WDR44: variants seen among roughly 807,000 people sequenced by gnomAD.
WDR44 encodes WD repeat domain 44.
In WDR44, 9 loss-of-function variants were observed where a neutral mutation model predicts 65.7. The ratio of observed to expected loss-of-function variants is 0.14; its 90% confidence interval spans 0.08 to 0.24. WDR44 has a LOEUF of 0.24. Among genes scored for constraint, WDR44 ranks in the 10% least tolerant of loss-of-function variants. The probability of loss-of-function intolerance (pLI) is 1.00; values close to 1 mark genes in which losing one functional copy is unlikely to be tolerated. For missense variants in WDR44, 425 were observed against 670.9 expected (o/e 0.63, Z 4.05); for synonymous variants, 220 against 235.2 (o/e 0.94, Z 0.59).
intron 1 of WDR44, among the ~76,000 whole-genome samples, chrX:118,369,500 T>G (rs1266610349): frequency 6.5e-5 from 5 of 76,915 alleles, no homozygotes; most frequent in Non-Finnish European, 1.2e-4. Context: ...AATGGAGTCT[T>G]GCTCTGTCAC....
chrX:118,352,319 TA>T (rs1328700228), intron 1 of WDR44, among the ~76,000 whole-genome samples: 189 of 7,770 alleles, frequency 0.024, 1 homozygote, highest in African/African-American at 0.069. Flanking sequence ...CCAGCTAATT[TA>T]TATATATATA....
chrX:118,442,527 AGAT>A, intron 16 of WDR44, 35 bp from the exon 17 acceptor site: 1 of 1,151,672 alleles, frequency 8.7e-7, no homozygotes. Flanking sequence ...TTGTACTAAA[AGAT>A]GATATTTTTA....
chrX:118,391,306 G>T (rs1325382913), intron 3 of WDR44, among the ~76,000 whole-genome samples: 1 of 112,080 alleles, frequency 8.9e-6, no homozygotes, highest in Non-Finnish European at 1.9e-5. Context: ...TCAGTGCTCA[G>T]TAACCACCTA....
chrX:118,399,799 A>G (rs780113440), intron 8 of WDR44, among the ~76,000 whole-genome samples: 1 of 112,075 alleles, frequency 8.9e-6, no homozygotes, highest in African/African-American at 3.2e-5. Context: ...AATAACTCAT[A>G]ATATAGGTGG....
chrX:118,418,642 A>G (rs1273764657), intron 12 of WDR44, among the ~76,000 whole-genome samples: 2 of 110,485 alleles, frequency 1.8e-5, no homozygotes, highest in African/African-American at 6.6e-5. Flanking sequence ...TTAATTTTCT[A>G]TTTTTGTGCT....
At chrX:118,441,703 G>A in intron 15 of WDR44, 144 bp downstream of exon 15, 1 of 525,422 alleles carries the variant, frequency 1.9e-6, no homozygotes, top group Non-Finnish European at 2.9e-6. Flanking sequence ...CTTAAGAGTT[G>A]GAACAGATGA....
At chrX:118,374,838 A>G (rs2056643408) in intron 1 of WDR44, among the ~76,000 whole-genome samples, 1 of 111,873 alleles carries the variant, frequency 8.9e-6, no homozygotes, top group African/African-American at 3.3e-5. Flanking sequence ...GTTCTATGAA[A>G]TAGATGGTTT....
rs1223630414 is a variant in WDR44 at position 118,441,410 on chromosome X, C to T, written c.2017C>T (p.Arg673Cys). 4.1e-6 allele frequency: 5 copies of T among 1,206,360 alleles called. No homozygotes were observed. Among genetic ancestry groups the T allele is most frequent in the Non-Finnish European group, 5.6e-6 (5 of 892,740 alleles). The change falls in exon 15 of 20, where the codon CGC becomes TGC. Residue 673 changes from arginine (R) to cysteine (C), a missense_variant. Arg to Cys is a radical substitution (Grantham distance 180, BLOSUM62 -3). Around this residue, in one of 5 missense-constraint regions of WDR44, gnomAD observed 73 missense variants for 187.4 expected, o/e 0.39. Transcript: ENST00000254029. ...FLSGSLDGKLRLWNIPDKKVA... is the reference protein window; with the variant it reads ...FLSGSLDGKLCLWNIPDKKVA... ...AAGTGGGTCTTTGGATGGAAAGCTCCGCCTTTGGAACATACCTGACAAAAA... is the reference window on the plus strand; with the variant it reads ...AAGTGGGTCTTTGGATGGAAAGCTCTGCCTTTGGAACATACCTGACAAAAA...
intron 2 of WDR44, 139 bp downstream of exon 2, chrX:118,378,591 G>A: frequency 2.2e-6 from 1 of 460,129 alleles, no homozygotes; most frequent in Non-Finnish European, 3.7e-6. Context: ...TGTCCTACTT[G>A]GTATACATAG....
intron 8 of WDR44, 57 bp downstream of exon 8, chrX:118,398,527 G>A: frequency 1.0e-6 from 1 of 955,891 alleles, no homozygotes; most frequent in South Asian, 2.1e-5. Flanking sequence ...AAAAATATGA[G>A]AACTACCATA....
intron 9 of WDR44, 79 bp downstream of exon 9, chrX:118,404,523 G>A (rs1569371582): frequency 1.4e-6 from 1 of 736,736 alleles, no homozygotes; most frequent in East Asian, 3.6e-5. Flanking sequence ...TTTGTAAGAA[G>A]CATTCTATTT....
chrX:118,353,563 C>G (rs751115033), intron 1 of WDR44, among the ~76,000 whole-genome samples: 14 of 111,973 alleles, frequency 1.3e-4, no homozygotes, highest in African/African-American at 4.5e-4. Context: ...GTCTCCAAAC[C>G]TTTTTAAACA....
intron 12 of WDR44, among the ~76,000 whole-genome samples, chrX:118,428,740 G>T (rs1392494054): frequency 8.9e-6 from 1 of 111,886 alleles, no homozygotes; most frequent in Non-Finnish European, 1.9e-5. Flanking sequence ...GTGTTATAAA[G>T]ATACATGCAG....
chrX:118,376,930 G>A (rs921844409), intron 1 of WDR44, among the ~76,000 whole-genome samples: 2 of 111,094 alleles, frequency 1.8e-5, no homozygotes, highest in Non-Finnish European at 3.8e-5. Context: ...TTGAGCCCAA[G>A]AGGTTGAGGC....
At chrX:118,420,283 G>A (rs753798900) in intron 12 of WDR44, among the ~76,000 whole-genome samples, 24 of 110,433 alleles carry the variant, frequency 2.2e-4, no homozygotes, top group African/African-American at 7.9e-4. Flanking sequence ...ACAGAGTCTC[G>A]CTCTGTCGCC....
intron 13 of WDR44, 146 bp from the exon 14 acceptor site, chrX:118,436,556 G>A (rs768733080): frequency 1.4e-6 from 1 of 708,582 alleles, no homozygotes; most frequent in Non-Finnish European, 2.2e-6. Context: ...TCTTCCAAGT[G>A]AATTTGATAA....
intron 1 of WDR44, among the ~76,000 whole-genome samples, chrX:118,363,463 T>C (rs931002451): frequency 3.7e-5 from 4 of 108,991 alleles, no homozygotes; most frequent in African/African-American, 1.3e-4. Context: ...ACATATTGTT[T>C]AGGGATACAT....
intron 12 of WDR44, among the ~76,000 whole-genome samples, chrX:118,415,143 T>C (rs1156598906): frequency 1.8e-5 from 2 of 112,234 alleles, no homozygotes; most frequent in Admixed American, 1.9e-4. Flanking sequence ...GATCATGTGA[T>C]TTTTGTTTTT....
chrX:118,434,153 C>T (rs1162671434), intron 13 of WDR44, among the ~76,000 whole-genome samples: 2 of 112,019 alleles, frequency 1.8e-5, no homozygotes, highest in Non-Finnish European at 3.8e-5. Context: ...ATTTTTTATA[C>T]TTTCCGTTTT....
Sources: allele counts gnomAD v4.1 joint callset (sites outside exome capture counted in the v4.1 genomes callset), GRCh38; gene constraint gnomAD v4.1.1; regional missense constraint gnomAD v4.1.1; transcripts MANE v1.5; gene names NCBI Gene and HGNC (gene_info 2026-07-23, HGNC 2026-07-21).